Variants in C1QTNF3 observed in about 807,000 individuals in gnomAD.
C1QTNF3 encodes the protein complement C1q tumor necrosis factor-related protein 3.
Under a neutral mutation model 32.6 loss-of-function variants are expected in C1QTNF3, and 26 were observed. That is an observed-to-expected ratio of 0.80 (90% CI 0.58 to 1.11). C1QTNF3 has a LOEUF of 1.11. Ranked by LOEUF, C1QTNF3 falls within the 50% of genes least tolerant of loss-of-function variation. The probability of loss-of-function intolerance (pLI) is 0.00; values close to 1 mark genes in which losing one functional copy is unlikely to be tolerated. For missense variants in C1QTNF3, 362 were observed against 398.2 expected, an observed-to-expected ratio of 0.91 and a Z score of 0.77; for synonymous variants, 155 against 146.0, an observed-to-expected ratio of 1.06 and a Z score of -0.44.
At chr5:34,228,439 GA>G in the C1QTNF3 span, among the ~76,000 whole-genome samples, 4 of 151,414 alleles carry the variant, frequency 2.6e-5, no homozygotes, top group Non-Finnish European at 5.9e-5. Flanking sequence ...AAGATCATAG[GA>G]AAAAAGTCAA....
At chr5:34,138,458 TTAGA>T in the C1QTNF3 span, among the ~76,000 whole-genome samples, 2 of 152,114 alleles carry the variant, frequency 1.3e-5, no homozygotes, top group African/African-American at 4.8e-5. Flanking sequence ...TTCTTACAGC[TTAGA>T]TAGAAACTTG....
chr5:34,033,155 A>C (rs901832470), intron 3 of C1QTNF3, 149 bp downstream of exon 3: 1 of 831,406 alleles, frequency 1.2e-6, no homozygotes, highest in Non-Finnish European at 1.9e-6. Flanking sequence ...GCCTTATGCA[A>C]ACATCCTGTG....
At chr5:34,042,459 G>A (rs1754891067) in intron 1 of C1QTNF3, among the ~76,000 whole-genome samples, 1 of 152,146 alleles carries the variant, frequency 6.6e-6, no homozygotes, top group African/African-American at 2.4e-5. Flanking sequence ...AACAACAAAT[G>A]ATTGTCTACA....
chr5:34,043,547 T>G, upstream of C1QTNF3: 3 of 167,832 alleles, frequency 1.8e-5, no homozygotes, highest in Non-Finnish European at 3.8e-5. Context: ...ACCCTTGTGC[T>G]TGCCAGGAAA....
chr5:34,120,613 T>C, the C1QTNF3 span, among the ~76,000 whole-genome samples: 1 of 152,192 alleles, frequency 6.6e-6, no homozygotes, highest in South Asian at 2.1e-4. Flanking sequence ...GGGGTGGGTC[T>C]TTCCCATGCT....
the C1QTNF3 span, among the ~76,000 whole-genome samples, chr5:34,230,310 C>T: frequency 0.89 from 134,554 of 151,804 alleles, 61,233 homozygotes; most frequent in Non-Finnish European, 0.99. Flanking sequence ...TGTGTTGAAC[C>T]TCTAACCTGG....
At chr5:34,053,189 T>C in the C1QTNF3 span, among the ~76,000 whole-genome samples, 1 of 152,340 alleles carries the variant, frequency 6.6e-6, no homozygotes, top group East Asian at 1.9e-4. Context: ...GGAGCTGCTC[T>C]GTCTTGCCTG....
the C1QTNF3 span, among the ~76,000 whole-genome samples, chr5:34,177,531 G>C: frequency 7.5e-6 from 1 of 132,682 alleles, no homozygotes; most frequent in Non-Finnish European, 1.5e-5. Context: ...CTGTCGCCCA[G>C]GCTGGAGTGC....
the C1QTNF3 span, among the ~76,000 whole-genome samples, chr5:34,056,472 A>G: frequency 9.3e-6 from 1 of 107,796 alleles, no homozygotes; most frequent in Non-Finnish European, 1.8e-5. Context: ...ATATATATAT[A>G]TATATATAGA....
the C1QTNF3 span, among the ~76,000 whole-genome samples, chr5:34,051,875 C>G: frequency 6.6e-6 from 1 of 152,262 alleles, no homozygotes; most frequent in African/African-American, 2.4e-5. Context: ...TCTCCTCCTT[C>G]ACTTACTTTG....
chr5:34,212,804 G>A, the C1QTNF3 span, among the ~76,000 whole-genome samples: 2 of 149,984 alleles, frequency 1.3e-5, no homozygotes, highest in Admixed American at 6.7e-5. Flanking sequence ...TACACTGTTG[G>A]TGGGACTGTA....
chr5:34,155,131 GC>G, the C1QTNF3 span, among the ~76,000 whole-genome samples: 6 of 152,040 alleles, frequency 3.9e-5, no homozygotes, highest in Non-Finnish European at 7.4e-5. Context: ...ATAGAGCTTG[GC>G]TATAATCATC....
the C1QTNF3 span, among the ~76,000 whole-genome samples, chr5:34,072,882 T>G: frequency 6.6e-6 from 1 of 152,192 alleles, no homozygotes; most frequent in Non-Finnish European, 1.5e-5. Flanking sequence ...ATTTAGACAT[T>G]TGTTACTGAG....
the C1QTNF3 span, among the ~76,000 whole-genome samples, chr5:34,141,629 C>CA: frequency 6.6e-6 from 1 of 151,462 alleles, no homozygotes; most frequent in Non-Finnish European, 1.5e-5. Flanking sequence ...AGGAGTCAGA[C>CA]AAAAAAAGAC....
chr5:34,022,899 A>G (rs963747964), intron 5 of C1QTNF3, among the ~76,000 whole-genome samples: 1 of 152,188 alleles, frequency 6.6e-6, no homozygotes, highest in Admixed American at 6.5e-5. Context: ...TCTGTCGCCC[A>G]GGCTGGAGTG....
chr5:34,128,525 AG>A, the C1QTNF3 span, among the ~76,000 whole-genome samples: 2 of 152,194 alleles, frequency 1.3e-5, no homozygotes, highest in African/African-American at 4.8e-5. Context: ...AAGCAATCAA[AG>A]GGGCTGTATC....
the C1QTNF3 span, among the ~76,000 whole-genome samples, chr5:34,225,679 T>A: frequency 6.6e-6 from 1 of 151,892 alleles, no homozygotes; most frequent in African/African-American, 2.4e-5. Flanking sequence ...TTTTTAGAAA[T>A]TCTGAGAGTG....
the C1QTNF3 span, among the ~76,000 whole-genome samples, chr5:34,208,833 T>C: frequency 6.6e-6 from 1 of 152,238 alleles, no homozygotes; most frequent in Non-Finnish European, 1.5e-5. Context: ...TTGCTCCATA[T>C]TGTCTTAATG....
At chr5:34,055,498 A>G in the C1QTNF3 span, among the ~76,000 whole-genome samples, 8 of 152,366 alleles carry the variant, frequency 5.3e-5, no homozygotes, top group East Asian at 1.5e-3. Flanking sequence ...GAAACATCCA[A>G]TTAACATCTG....
Sources: allele counts gnomAD v4.1 joint callset (sites outside exome capture counted in the v4.1 genomes callset), GRCh38; gene constraint gnomAD v4.1.1; transcripts MANE v1.5; gene names NCBI Gene and HGNC (gene_info 2026-07-23, HGNC 2026-07-21).